EFCAB3: variants seen among roughly 807,000 people sequenced by gnomAD.
The protein encoded by EFCAB3 is EF-hand calcium binding domain 3.
A neutral mutation model predicts 42.2 loss-of-function variants in EFCAB3; 36 were observed. That is an observed-to-expected ratio of 0.85 (90% CI 0.65 to 1.13). The LOEUF is 1.13. EFCAB3 is among the 50% of genes most tolerant of loss of function. EFCAB3 has a pLI of 0.00. For synonymous variants in EFCAB3, 170 were observed against 172.8 expected, an observed-to-expected ratio of 0.98 and a Z score of 0.13; for missense variants, 418 against 505.1, an observed-to-expected ratio of 0.83 and a Z score of 1.65.
intron 8 of EFCAB3, among the ~76,000 whole-genome samples, chr17:62,408,716 A>G (rs1200894079): frequency 6.6e-6 from 1 of 152,224 alleles, no homozygotes; most frequent in African/African-American, 2.4e-5. Context: ...ATAGGCCATC[A>G]CTGATCTAGG....
intron 6 of EFCAB3, chr17:62,397,419 G>A (rs138023228): frequency 2.6e-5 from 12 of 458,128 alleles, no homozygotes; most frequent in Admixed American, 9.0e-5. Flanking sequence ...CATGGACTTC[G>A]TGTGGCTAGG....
intron 3 of EFCAB3, among the ~76,000 whole-genome samples, chr17:62,389,948 A>G (rs1418045989): frequency 5.3e-5 from 8 of 152,156 alleles, no homozygotes; most frequent in Non-Finnish European, 1.0e-4. Context: ...CACCACGCTC[A>G]GCTAATTTTT....
At position 62,416,149 on chromosome 17, in the gene EFCAB3, A is replaced by C; in HGVS notation, c.1137A>C (p.Thr379=). The part of the protein sequence containing the change: ...ESFYDTFSTY[T]WSWNVCQELL... The stretch of plus-strand genomic sequence containing the variant: ...TTTATGACACCTTTTCTACTTATAC[A>C]TGGTCCTGGAATGTTTGCCAAGAAT... Residue 379 remains threonine, a synonymous_variant, in exon 10 of 10, where the codon ACA becomes ACC. Transcript: ENST00000305286. 1 of 1,613,944 alleles carries C rather than the reference A, an allele frequency of 6.2e-7. No individual in the cohort carries two copies. The highest frequency in any genetic ancestry group is 8.5e-7 in the Non-Finnish European group (1 of 1,179,848).
intron 6 of EFCAB3, among the ~76,000 whole-genome samples, chr17:62,399,749 T>C (rs2070384911): frequency 6.6e-6 from 1 of 152,148 alleles, no homozygotes; most frequent in South Asian, 2.1e-4. Flanking sequence ...CCACCCTGTT[T>C]AAAACTGCAA....
chr17:62,393,176 T>G (rs2070319007), intron 4 of EFCAB3, among the ~76,000 whole-genome samples: 2 of 152,162 alleles, frequency 1.3e-5, no homozygotes, highest in Admixed American at 1.3e-4. Flanking sequence ...ACCCCTCTAA[T>G]AATACTCATC....
chr17:62,405,229 T>C (rs1035427597), intron 6 of EFCAB3, among the ~76,000 whole-genome samples: 2 of 152,210 alleles, frequency 1.3e-5, no homozygotes, highest in Admixed American at 6.5e-5. Context: ...AGTGATGACA[T>C]TGTGGATGGT....
At chr17:62,411,815 AGGGAGGGAGGG>A (rs1458616111) in intron 8 of EFCAB3, among the ~76,000 whole-genome samples, 8 of 117,934 alleles carry the variant, frequency 6.8e-5, no homozygotes, top group Non-Finnish European at 1.4e-4. Flanking sequence ...GGAGGGAGGG[AGGGAGGGAGGG>A]AGGAAGGAGG....
Position 62,413,736 on chromosome 17 carries a change from C to G in EFCAB3, c.872C>G (p.Ala291Gly). ...CTTTTTTAAATATGCATAAAGGCAG[C>G]AAATATAAAGTCTATGGACCCTGCC... The part of the protein sequence containing the change: ...FHKRDWKTQA[A>G]NIKSMDPASG... Residue 291 changes from alanine to glycine, a missense_variant, in exon 9 of 10, where the codon GCA becomes GGA. Transcript: ENST00000305286. 6.3e-7 allele frequency: 1 copy of G among 1,593,898 alleles called. No homozygotes were observed. The highest frequency in any genetic ancestry group is 1.2e-5 in the South Asian group (1 of 86,582).
In EFCAB3 at chr17:62,395,162, C is replaced by T. The variant is rs763621299; in HGVS notation, c.462C>T (p.Pro154=). The change falls in exon 6 of 10, where the codon CCC becomes CCT. Residue 154 remains proline, a synonymous_variant. Coordinates refer to ENST00000305286, the MANE Select transcript of EFCAB3 (RefSeq NM_173503.4). ...LSRLLETSAL[P]RKSIIEIVSY... ...GGCTTCTAGAGACTTCAGCCCTACC[C>T]AGAAAGTCTATAATAGAAATAGTAA... 1.9e-6 allele frequency: 3 copies of T among 1,613,702 alleles called. No homozygotes were observed. The highest frequency in any genetic ancestry group is 4.5e-5 in the East Asian group (2 of 44,882).
At chr17:62,390,077 T>C (rs571131548) in intron 3 of EFCAB3, among the ~76,000 whole-genome samples, 1 of 152,146 alleles carries the variant, frequency 6.6e-6, no homozygotes, top group South Asian at 2.1e-4. Flanking sequence ...TGAGCCACCG[T>C]GCCCGGCCAT....
At chr17:62,384,444 T>C (rs746837402) in intron 2 of EFCAB3, among the ~76,000 whole-genome samples, 12 of 152,062 alleles carry the variant, frequency 7.9e-5, no homozygotes, top group Non-Finnish European at 1.6e-4. Context: ...GAGACCAGCC[T>C]CTACCAAAAA....
intron 2 of EFCAB3, chr17:62,373,968 T>C (rs1447338460): frequency 5.1e-6 from 3 of 584,036 alleles, no homozygotes; most frequent in Non-Finnish European, 8.4e-6. Flanking sequence ...ATGTTCATTA[T>C]AGAAAATTTC....
At chr17:62,377,736 A>G (rs1461491988), upstream of EFCAB3, among the ~76,000 whole-genome samples, 1 of 152,210 alleles carries the variant, frequency 6.6e-6, no homozygotes, top group Non-Finnish European at 1.5e-5. Flanking sequence ...ATAAATGAAT[A>G]GTCTTGATTT....
chr17:62,413,797 A>G lies in EFCAB3; in HGVS notation c.933A>G (p.Gln311=), dbSNP rs2070520703. The change falls in exon 9 of 10, where the codon CAA becomes CAG. Residue 311 remains glutamine (Q), a synonymous_variant. Transcript: ENST00000305286. The part of the protein sequence containing the change: ...GYSNNIFTID[Q]MLKKKQTCTV... ...CAAATAACATCTTCACCATTGATCAAATGCTCAAGAAAAAGCAGACTTGTA... is the reference window on the plus strand; with the variant it reads ...CAAATAACATCTTCACCATTGATCAGATGCTCAAGAAAAAGCAGACTTGTA... The G allele has an allele frequency of 6.2e-7, 1 of 1,613,800 alleles. No homozygotes were observed. Among genetic ancestry groups the G allele is most frequent in the Non-Finnish European group, 8.5e-7 (1 of 1,179,792 alleles).
chr17:62,383,472 C>CA (rs945334609), intron 2 of EFCAB3, among the ~76,000 whole-genome samples: 7 of 149,212 alleles, frequency 4.7e-5, no homozygotes, highest in African/African-American at 7.4e-5. Context: ...GACTCCATCT[C>CA]AAAAAAAAAT....
chr17:62,403,754 C>T (rs1352058756), intron 6 of EFCAB3, among the ~76,000 whole-genome samples: 1 of 152,122 alleles, frequency 6.6e-6, no homozygotes, highest in Non-Finnish European at 1.5e-5. Flanking sequence ...CTCAAGCAAT[C>T]CTCTCATTTC....
intron 6 of EFCAB3, among the ~76,000 whole-genome samples, chr17:62,400,103 C>T (rs1046369471): frequency 9.9e-5 from 15 of 152,242 alleles, no homozygotes; most frequent in African/African-American, 3.6e-4. Flanking sequence ...CTGGGATCTC[C>T]AGCCCAGATC....
chr17:62,371,536 G>A (rs1191858957), intron 1 of EFCAB3, among the ~76,000 whole-genome samples: 1 of 152,184 alleles, frequency 6.6e-6, no homozygotes, highest in Non-Finnish European at 1.5e-5. Flanking sequence ...CCAGCCTGGT[G>A]ACAGAGTGAG....
chr17:62,412,588 T>C (rs1406888528), intron 8 of EFCAB3, among the ~76,000 whole-genome samples: 1 of 151,672 alleles, frequency 6.6e-6, no homozygotes, highest in Non-Finnish European at 1.5e-5. Flanking sequence ...CTTCAGCCTC[T>C]CTAGTAGCTG....
Sources: gnomAD v4.1 joint callset for allele counts (sites outside exome capture counted in the v4.1 genomes callset) on GRCh38, gnomAD v4.1.1 for gene constraint, MANE v1.5 for transcripts, NCBI Gene and HGNC (gene_info 2026-07-23, HGNC 2026-07-21) for gene names.